Variants in STMND1 observed in about 807,000 individuals in gnomAD.
The protein encoded by STMND1 is stathmin domain containing 1, also known as stathmin domain-containing protein 1.
In STMND1, 17 loss-of-function variants were observed where a neutral mutation model predicts 23.0. The ratio of observed to expected loss-of-function variants is 0.74; its 90% confidence interval spans 0.51 to 1.11. The LOEUF is 1.11. Ranked by LOEUF, STMND1 falls within the 50% of genes least tolerant of loss-of-function variation. The pLI is 0.00. For missense variants in STMND1, 305 were observed against 329.1 expected (o/e 0.93, Z 0.57); for synonymous variants, 114 against 119.9 (o/e 0.95, Z 0.32).
In STMND1 at chr6:17,130,692, A is replaced by C. The variant is rs576993415; in HGVS notation, c.642A>C (p.Ala214=). The change falls in exon 5 of 5, where the codon GCA becomes GCC. Residue 214 remains alanine (A), a synonymous_variant. Coordinates refer to ENST00000536551, the MANE Select transcript of STMND1 (RefSeq NM_001190766.2). ...CTGAATTAGATGGGGCCGAGGTTGC[A>C]TTTGCCAAAGGACTTCAAAGGGTGA... is the stretch of plus-strand genomic sequence containing the variant. The part of the protein sequence containing the change: ...DSAELDGAEV[A]FAKGLQRVRS... 5.9e-6 allele frequency: 9 copies of C among 1,536,078 alleles called. No individual in the cohort carries two copies. The highest frequency in any genetic ancestry group is 7.8e-6 in the Non-Finnish European group (9 of 1,146,896).
chr6:17,103,859 C>T (rs758658862), intron 1 of STMND1, among the ~76,000 whole-genome samples: 8 of 151,948 alleles, frequency 5.3e-5, no homozygotes, highest in Non-Finnish European at 1.0e-4. Context: ...TGTAACTCAC[C>T]GCACCCTGCT....
intron 1 of STMND1, 42 bp downstream of exon 1, chr6:17,102,380 AGCCTTTT>A (rs1470177668): frequency 1.3e-6 from 2 of 1,533,276 alleles, no homozygotes; most frequent in Non-Finnish European, 1.7e-6. Flanking sequence ...ACAGACAGAA[AGCCTTTT>A]GCCTGGGAGG....
chr6:17,116,863 T>C (rs1025267784), intron 2 of STMND1, among the ~76,000 whole-genome samples: 2 of 152,204 alleles, frequency 1.3e-5, no homozygotes, highest in African/African-American at 2.4e-5. Flanking sequence ...AGAACACCTA[T>C]ATTATTTCAC....
In STMND1 at chr6:17,122,433, C is replaced by G. The variant is rs141242198; in HGVS notation, c.411+1675C>G. 3.8e-3 allele frequency among the ~76,000 whole-genome samples: 579 copies of G among 152,240 alleles called. 2 individuals carry two copies. Among genetic ancestry groups the G allele is most frequent in the Non-Finnish European group, 6.2e-3 (424 of 68,024 alleles). Reference sequence around the variant, plus strand: ...TAGAGACCAGAAATTACCCCAAAGGCTACTTAATGGTTGTCTATCCCTGTG... The same window carrying G: ...TAGAGACCAGAAATTACCCCAAAGGGTACTTAATGGTTGTCTATCCCTGTG... On this transcript the variant is annotated intron_variant, in intron 3 of 4. Transcript: ENST00000536551.
In STMND1 at chr6:17,102,169, G is replaced by T. The variant is rs1056645562; in HGVS notation, c.-89G>T. 38 of 1,323,294 alleles carry T rather than the reference G, an allele frequency of 2.9e-5. No homozygotes were observed. The African/African-American group carries it at 5.8e-4, about 20-fold the overall frequency. The allele number at this position is 1,323,294 out of a possible 1,614,324, so 82.0% of individuals were successfully genotyped here. A position where few individuals can be genotyped will look rare whatever the true frequency, so the allele number is the denominator to read the frequency against. Reference sequence around the variant, plus strand: ...GGCGTAGGGCGCAGGGCGCAGGAGCGCGGGACCACCGGCGCCGGAGCGCGG... The same window carrying T: ...GGCGTAGGGCGCAGGGCGCAGGAGCTCGGGACCACCGGCGCCGGAGCGCGG... On this transcript the variant is annotated 5_prime_UTR_variant, in exon 1 of 5. Coordinates refer to ENST00000536551, the MANE Select transcript of STMND1 (RefSeq NM_001190766.2).
intron 1 of STMND1, chr6:17,110,934 TG>T: frequency 2.2e-6 from 1 of 453,384 alleles, no homozygotes; most frequent in Non-Finnish European, 4.4e-6. Flanking sequence ...AAATGAGAAG[TG>T]GGAAACTTGC....
chr6:17,118,783 C>G (rs1471613082), intron 2 of STMND1, among the ~76,000 whole-genome samples: 1 of 152,162 alleles, frequency 6.6e-6, no homozygotes, highest in African/African-American at 2.4e-5. Flanking sequence ...TGGAGCCAAA[C>G]AGACTTGGAT....
At chr6:17,105,513 C>T (rs1017980865) in intron 1 of STMND1, among the ~76,000 whole-genome samples, 3 of 152,148 alleles carry the variant, frequency 2.0e-5, no homozygotes, top group African/African-American at 2.4e-5. Flanking sequence ...GGCGTGATGG[C>T]ACATGCCTGT....
chr6:17,129,441 A>G (rs1386266095), intron 4 of STMND1, among the ~76,000 whole-genome samples, 198 bp downstream of exon 4: 2 of 151,816 alleles, frequency 1.3e-5, no homozygotes, highest in Non-Finnish European at 2.9e-5. Context: ...GCATGCTCAG[A>G]GCTCACTGCA....
At chr6:17,110,253 A>T (rs1364776274) in intron 1 of STMND1, among the ~76,000 whole-genome samples, 1 of 152,212 alleles carries the variant, frequency 6.6e-6, no homozygotes, top group Non-Finnish European at 1.5e-5. Context: ...GCATGGCGTC[A>T]CGTGCCTGTA....
chr6:17,103,558 C>T (rs1013228193), intron 1 of STMND1, among the ~76,000 whole-genome samples: 3 of 147,800 alleles, frequency 2.0e-5, no homozygotes, highest in Admixed American at 1.4e-4. Flanking sequence ...TGTATAGGGA[C>T]CCATTACCTT....
chr6:17,114,347 C>T (rs963667675), intron 1 of STMND1, among the ~76,000 whole-genome samples: 2 of 151,990 alleles, frequency 1.3e-5, no homozygotes, highest in African/African-American at 4.8e-5. Context: ...TCACTGCAAC[C>T]TCTGCCCCCT....
chr6:17,118,382 G>A (rs1029872571), intron 2 of STMND1, among the ~76,000 whole-genome samples: 25 of 152,110 alleles, frequency 1.6e-4, no homozygotes, highest in African/African-American at 3.9e-4. Flanking sequence ...GAAAGCATGG[G>A]CGTTTTTTTA....
intron 1 of STMND1, 57 bp downstream of exon 1, chr6:17,102,395 A>G: frequency 1.3e-6 from 2 of 1,529,900 alleles, no homozygotes; most frequent in Non-Finnish European, 1.8e-6. Flanking sequence ...TTTGCCTGGG[A>G]GGTCTCGCGA....
chr6:17,115,372 T>TAAAAAAAAAAA (rs75171969), intron 2 of STMND1, among the ~76,000 whole-genome samples: 3 of 116,098 alleles, frequency 2.6e-5, no homozygotes, highest in East Asian at 4.9e-4. Context: ...GGACCATCTT[T>TAAAAAAAAAAA]AAAAAAAAAA....
chr6:17,129,512 C>T (rs1278917612), intron 4 of STMND1, among the ~76,000 whole-genome samples: 1 of 148,256 alleles, frequency 6.7e-6, no homozygotes, highest in Non-Finnish European at 1.5e-5. Flanking sequence ...GCTAGGACTA[C>T]AGGCCCATAC....
At chr6:17,117,969 G>T (rs1363577953) in intron 2 of STMND1, among the ~76,000 whole-genome samples, 1 of 151,826 alleles carries the variant, frequency 6.6e-6, no homozygotes, top group Non-Finnish European at 1.5e-5. Context: ...ATGAGCCAGG[G>T]TTACACAATT....
Position 17,120,649 on chromosome 6 carries a change from A to C in STMND1, c.302A>C (p.Glu101Ala). The C allele has an allele frequency of 6.5e-7, 1 of 1,535,182 alleles. No homozygotes were observed. Among genetic ancestry groups the C allele is most frequent in the Non-Finnish European group, 8.7e-7 (1 of 1,146,508 alleles). Residue 101 changes from glutamate to alanine, a missense_variant, in exon 3 of 5, where the codon GAG (glutamate) becomes GCG (alanine). Glu to Ala is a moderately radical substitution (Grantham distance 107). Coordinates refer to ENST00000536551, the MANE Select transcript of STMND1 (RefSeq NM_001190766.2). ...NGLINKPQSL[E>A]SRERQKSSDI... is the part of the protein sequence containing the mutation. ...TTAATCAATAAACCCCAATCCCTAG[A>C]GAGTCGAGAGCGACAGAAGTCATCA...
chr6:17,103,617 G>A (rs1232521711), intron 1 of STMND1, among the ~76,000 whole-genome samples: 1 of 130,686 alleles, frequency 7.7e-6, no homozygotes, highest in Non-Finnish European at 1.5e-5. Flanking sequence ...TGTCACCCAG[G>A]CTGGAGTGCA....
Sources: gnomAD v4.1 joint callset for allele counts (sites outside exome capture counted in the v4.1 genomes callset) on GRCh38, gnomAD v4.1.1 for gene constraint, MANE v1.5 for transcripts, NCBI Gene and HGNC (gene_info 2026-07-23, HGNC 2026-07-21) for gene names.